The following LHX4 variants were observed in gnomAD, a reference collection of about 807,000 sequenced individuals.
LHX4 encodes the protein LIM homeobox 4.
In LHX4, 16 loss-of-function variants were observed where a neutral mutation model predicts 39.2. That is an observed-to-expected ratio of 0.41 (90% CI 0.28 to 0.62). The LOEUF is 0.62. Among genes scored for constraint, LHX4 ranks in the 20% least tolerant of loss-of-function variants. The pLI, the probability that LHX4 is intolerant of heterozygous loss-of-function variation, is 0.33. For missense variants in LHX4, 439 were observed against 511.9 expected (o/e 0.86, Z 1.37); for synonymous variants, 206 against 198.1 (o/e 1.04, Z -0.33).
rs1432190637 is a variant in LHX4, at chr1:180,278,682, G to A, written c.*4103G>A. The A allele has an allele frequency of 1.3e-5, 2 of 151,418 alleles. No individual in the cohort carries two copies. Among genetic ancestry groups the A allele is most frequent in the African/African-American group, 4.9e-5 (2 of 41,184 alleles). The allele number at this position is 151,418 out of a possible 1,614,324, so 9.4% of individuals were successfully genotyped here. ...GTTCGGCCAAACAAGCAGGTTCAGG[G>A]CTGCGGGATTCCAGAAGTTGCTCTG... On this transcript the variant is annotated 3_prime_UTR_variant, in exon 6 of 6. Coordinates refer to ENST00000263726, the MANE Select transcript of LHX4 (RefSeq NM_033343.4).
In LHX4 at chr1:180,237,096, CCTT is replaced by C. The variant is rs200748209; in HGVS notation, c.76+6494_76+6496del. On this transcript the variant is annotated intron_variant, in intron 1 of 5. Coordinates refer to ENST00000263726, the MANE Select transcript of LHX4 (RefSeq NM_033343.4). ...CTTGAATTTCTCTTTCTTCCTCCCT[CCTT>C]CTCCTTCCCCTGTTCCCCCAATTTC... Among the ~76,000 whole-genome samples the C allele has an allele frequency of 8.6e-3, 1,309 of 152,320 alleles. 10 individuals carry two copies. The highest frequency in any genetic ancestry group is 0.012 in the Non-Finnish European group (840 of 68,022).
rs1284088996 is a variant in LHX4 at position 180,276,150 on chromosome 1, T to TGAG, written c.*1572_*1574dup. 6.6e-6 allele frequency: 1 copy of TGAG among 152,124 alleles called. No homozygotes were observed. The highest frequency in any genetic ancestry group is 2.4e-5 in the African/African-American group (1 of 41,412). The allele number at this position is 152,124 out of a possible 1,614,324, so 9.4% of individuals were successfully genotyped here. A position where few individuals can be genotyped will look rare whatever the true frequency, so the allele number is the denominator to read the frequency against. ...ATGAGATCAGCAGAGTAGGAAAGGG[T>TGAG]GAGAAGGCATTGCCTATCACATGAA... On this transcript the variant is annotated 3_prime_UTR_variant, in exon 6 of 6. Coordinates refer to ENST00000263726, the MANE Select transcript of LHX4 (RefSeq NM_033343.4).
chr1:180,252,404 TGG>T (rs1362996352), intron 2 of LHX4, among the ~76,000 whole-genome samples: 1 of 152,176 alleles, frequency 6.6e-6, no homozygotes, highest in East Asian at 1.9e-4. Flanking sequence ...CTCTTAGCTG[TGG>T]AGTTTGGAAG....
At chr1:180,235,990 C>T (rs2149252557) in intron 1 of LHX4, among the ~76,000 whole-genome samples, 2 of 152,156 alleles carry the variant, frequency 1.3e-5, no homozygotes, top group South Asian at 4.2e-4. Flanking sequence ...GGGATAAAAC[C>T]GGGAGCAGCA....
At chr1:180,237,587 T>C (rs1664355031) in intron 1 of LHX4, among the ~76,000 whole-genome samples, 1 of 152,178 alleles carries the variant, frequency 6.6e-6, no homozygotes, top group Non-Finnish European at 1.5e-5. Flanking sequence ...AAAGTCGTCT[T>C]GGGAGGTGAG....
At position 180,230,676 on chromosome 1, in the gene LHX4, G is replaced by A. The variant is rs1664155948; in HGVS notation, c.76+71G>A. ...TAGCAGCCTCAGCCGCTGCGGGGCG[G>A]GCCGGACGCCGCTCAGGGGCCGGGA... On this transcript the variant is annotated intron_variant, in intron 1 of 5. Transcript: ENST00000263726. This position sits in a 1 kb window ranked among gnomAD's most constrained non-coding sequence, Gnocchi z 5.8. The A allele has an allele frequency of 1.4e-6, 2 of 1,460,444 alleles. No homozygotes were observed. Among genetic ancestry groups the A allele is most frequent in the Admixed American group, 1.8e-5 (1 of 57,110 alleles). The allele number at this position is 1,460,444 out of a possible 1,614,324, so 90.5% of individuals were successfully genotyped here. A position where few individuals can be genotyped will look rare whatever the true frequency, so the allele number is the denominator to read the frequency against.
upstream of LHX4, among the ~76,000 whole-genome samples, chr1:180,229,342 C>A (rs1006302459): frequency 2.6e-5 from 4 of 152,156 alleles, no homozygotes; most frequent in Non-Finnish European, 4.4e-5. Flanking sequence ...GGCCCCGCCG[C>A]GGGGAGGTTT....
intron 1 of LHX4, among the ~76,000 whole-genome samples, chr1:180,244,898 G>A (rs1042518732): frequency 7.6e-6 from 1 of 131,448 alleles, no homozygotes; most frequent in African/African-American, 2.9e-5. Context: ...GTGCGGCTGT[G>A]CCACTGGGGC....
At chr1:180,260,391 G>A (rs902484514) in intron 2 of LHX4, among the ~76,000 whole-genome samples, 3 of 151,862 alleles carry the variant, frequency 2.0e-5, no homozygotes, top group African/African-American at 7.3e-5. Context: ...GGGCCTGCCT[G>A]CTGCCCCCTT....
At chr1:180,235,160 G>T (rs912138152) in intron 1 of LHX4, among the ~76,000 whole-genome samples, 2 of 152,250 alleles carry the variant, frequency 1.3e-5, no homozygotes, top group Non-Finnish European at 2.9e-5. Flanking sequence ...GACAAGGGAG[G>T]GACCGCCTCT....
intron 1 of LHX4, among the ~76,000 whole-genome samples, chr1:180,237,985 TTC>T (rs1399972232): frequency 6.6e-6 from 1 of 152,252 alleles, no homozygotes; most frequent in African/African-American, 2.4e-5. Flanking sequence ...TAATGTAATT[TTC>T]TGTTTTATTT....
chr1:180,244,387 C>T (rs1647308012), intron 1 of LHX4, among the ~76,000 whole-genome samples: 1 of 152,148 alleles, frequency 6.6e-6, no homozygotes, highest in Non-Finnish European at 1.5e-5. Flanking sequence ...CAGAGTGACC[C>T]AGCGCGGATC....
chr1:180,237,214 CG>C (rs11305552), intron 1 of LHX4, among the ~76,000 whole-genome samples: 70,768 of 127,804 alleles, frequency 0.55, 17,659 homozygotes, highest in African/African-American at 0.67. Context: ...TTTTACTCGG[CG>C]GGGGGGGCGG....
At chr1:180,258,238 C>T (rs948830242) in intron 2 of LHX4, among the ~76,000 whole-genome samples, 1 of 152,152 alleles carries the variant, frequency 6.6e-6, no homozygotes, top group African/African-American at 2.4e-5. Flanking sequence ...CAGGGGTGTC[C>T]CCCTGAGCAG....
intron 1 of LHX4, among the ~76,000 whole-genome samples, chr1:180,244,232 C>T (rs1485562532): frequency 6.6e-6 from 1 of 152,160 alleles, no homozygotes; most frequent in Non-Finnish European, 1.5e-5. Context: ...TTTAATCCCC[C>T]CGTCAACATC....
Position 180,271,871 on chromosome 1 carries a change from C to G in LHX4, c.643C>G (p.Leu215Val). The change falls in exon 5 of 6, where the codon CTG becomes GTG. Residue 215 changes from leucine (L) to valine (V), a missense_variant. Leu to Val is a conservative substitution (Grantham distance 32, BLOSUM62 1). Coordinates refer to ENST00000263726, the MANE Select transcript of LHX4 (RefSeq NM_033343.4). The part of the protein sequence containing the change: ...FQNRRAKEKR[L>V]KKDAGRHRWG... ...GAACAGAAGGGCCAAAGAGAAACGC[C>G]TGAAGAAGGATGCAGGGCGGCACCG... 1 of 1,613,712 alleles carries G rather than the reference C, an allele frequency of 6.2e-7. No homozygotes were observed. Among genetic ancestry groups the G allele is most frequent in the Non-Finnish European group, 8.5e-7 (1 of 1,179,950 alleles).
intron 2 of LHX4, among the ~76,000 whole-genome samples, chr1:180,254,834 A>G (rs925710117): frequency 6.6e-6 from 1 of 152,164 alleles, no homozygotes; most frequent in Non-Finnish European, 1.5e-5. Flanking sequence ...GCAGCAAGGA[A>G]GTGCTTAGTC....
At chr1:180,231,148 G>GCGCCCGCCGCGTGCGC (rs1664167698) in intron 1 of LHX4, among the ~76,000 whole-genome samples, 1 of 151,234 alleles carries the variant, frequency 6.6e-6, no homozygotes, top group Admixed American at 6.6e-5. Flanking sequence ...ACTGCCCGCG[G>GCGCCCGCCGCGTGCGC]CGCCCGCCGC....
rs1648948688 is a variant in LHX4, at chr1:180,275,089, G to A, written c.*510G>A. The A allele has an allele frequency of 6.5e-6, 1 of 152,692 alleles. No individual in the cohort carries two copies. Among genetic ancestry groups the A allele is most frequent in the African/African-American group, 2.4e-5 (1 of 41,472 alleles). The allele number at this position is 152,692 out of a possible 1,614,324, so 9.5% of individuals were successfully genotyped here. On this transcript the variant is annotated 3_prime_UTR_variant, in exon 6 of 6. Transcript: ENST00000263726. ...CCTATATTTCAAAATGAAAAGATCA[G>A]TTATTAAAGGTCAGTGAACACTTTG...
Sources: gnomAD v4.1 joint callset for allele counts (sites outside exome capture counted in the v4.1 genomes callset) on GRCh38, gnomAD v4.1.1 for gene constraint, Gnocchi (gnomAD v3.1) non-coding constraint, MANE v1.5 for transcripts, NCBI Gene and HGNC (gene_info 2026-07-23, HGNC 2026-07-21) for gene names.